The following NEIL2 variants were observed in gnomAD, a reference collection of about 807,000 sequenced individuals.
NEIL2 encodes the protein nei like DNA glycosylase 2, also known as endonuclease 8-like 2.
In NEIL2, 23 loss-of-function variants were observed where a neutral mutation model predicts 22.2. That is an observed-to-expected ratio of 1.04 (90% confidence interval 0.75 to 1.47). NEIL2 has a LOEUF of 1.47. Ranked by LOEUF, NEIL2 falls within the 40% of genes most tolerant of loss-of-function variation. The probability of loss-of-function intolerance (pLI) is 0.00; values close to 1 mark genes in which losing one functional copy is unlikely to be tolerated. For synonymous variants in NEIL2, 229 were observed against 164.8 expected (o/e 1.39, Z -2.99); for missense variants, 583 against 404.7 (o/e 1.44, Z -3.78).
chr8:11,780,071 G>C, intron 3 of NEIL2, 121 bp downstream of exon 3: 1 of 809,706 alleles, frequency 1.2e-6, no homozygotes, highest in East Asian at 2.5e-5. Flanking sequence ...CCAGGGCCCT[G>C]CTGTCTTGGG....
chr8:11,771,309 C>A, intron 1 of NEIL2, 137 bp from the exon 2 acceptor site: 1 of 1,050,724 alleles, frequency 9.5e-7, no homozygotes, highest in Non-Finnish European at 1.4e-6. Context: ...CCCAGCCACA[C>A]TCCCTTTTTG....
chr8:11,787,078 C>A lies in NEIL2; in HGVS notation c.*805C>A, dbSNP rs1436573238. ...GGATGAGGATAGAGTGGCCTGAGAGCAGTGCTTGGATTCAGCCTCCTGCTG... is the reference window on the plus strand; with the variant it reads ...GGATGAGGATAGAGTGGCCTGAGAGAAGTGCTTGGATTCAGCCTCCTGCTG... On this transcript the variant is annotated 3_prime_UTR_variant, in exon 5 of 5. Coordinates refer to ENST00000284503, the MANE Select transcript of NEIL2 (RefSeq NM_145043.4). 2 of 152,404 alleles carry A rather than the reference C, an allele frequency of 1.3e-5. No individual in the cohort carries two copies. The highest frequency in any genetic ancestry group is 2.4e-5 in the African/African-American group (1 of 41,302). The allele number at this position is 152,404 out of a possible 1,614,324, so 9.4% of individuals were successfully genotyped here.
rs1408529184 is a variant in NEIL2, at chr8:11,769,893, C to T, written c.-445C>T. The stretch of plus-strand genomic sequence containing the variant: ...GCCCCGGGCCCTCCTCCGTCTCAGC[C>T]GCCTGCGGAGGTGCTGCCCACGCCT... On this transcript the variant is annotated 5_prime_UTR_variant, in exon 1 of 5. Transcript: ENST00000284503. The T allele has an allele frequency of 6.6e-6, 1 of 152,322 alleles. No homozygotes were observed. Among genetic ancestry groups the T allele is most frequent in the African/African-American group, 2.4e-5 (1 of 41,428 alleles). 9.4% of individuals were successfully genotyped at this position (152,322 alleles called of 1,614,324 possible).
At chr8:11,775,344 C>T (rs758142099) in intron 2 of NEIL2, among the ~76,000 whole-genome samples, 33 of 152,286 alleles carry the variant, frequency 2.2e-4, no homozygotes, top group Middle Eastern at 3.4e-3. Context: ...TGTACATTGG[C>T]GCTTTTTAGC....
chr8:11,779,443 G>A lies in NEIL2; in HGVS notation c.139-155G>A, dbSNP rs1246225840. ...CACATGCGAACTGCTCACACCACTG[G>A]AGCAAAAGAGCAAAAGGCAGAGTCC... On this transcript the variant is annotated intron_variant, in intron 2 of 4. Transcript: ENST00000284503. Among the ~76,000 whole-genome samples, 4 of 152,178 alleles carry A rather than the reference G, an allele frequency of 2.6e-5. No individual in the cohort carries two copies. The East Asian group carries it at 5.8e-4, about 22-fold the overall frequency.
rs778223630 is a variant in NEIL2, at chr8:11,779,768, G to A, written c.309G>A (p.Arg103=). The change falls in exon 3 of 5, where the codon CGG becomes CGA. Residue 103 remains arginine, a synonymous_variant. Coordinates refer to ENST00000284503, the MANE Select transcript of NEIL2 (RefSeq NM_145043.4). ...SGQKTLDGSS[R]SAELVPQGED... is the part of the protein sequence containing the mutation. ...AGAAGACCCTTGATGGATCCTCACG[G>A]TCTGCAGAGCTCGTCCCCCAGGGCG... The A allele has an allele frequency of 2.5e-6, 4 of 1,614,216 alleles. No individual in the cohort carries two copies. In the South Asian group the frequency reaches 3.3e-5, roughly 13 times the overall value.
Position 11,771,570 on chromosome 8 carries a change from G to C in NEIL2, c.123G>C (p.Trp41Cys). The change falls in exon 2 of 5, where the codon TGG becomes TGC. Residue 41 changes from tryptophan (W) to cysteine (C), a missense_variant. Trp to Cys is a radical substitution (Grantham distance 215). Coordinates refer to ENST00000284503, the MANE Select transcript of NEIL2 (RefSeq NM_145043.4). ...AGCCCGCCAGCCTGCAGTCTCTGTG[G>C]CTCCAGGACACCCAGGTGAGGTAAT... ...KLQPASLQSL[W>C]LQDTQVHGKK... 1 of 1,613,990 alleles carries C rather than the reference G, an allele frequency of 6.2e-7. No individual in the cohort carries two copies. Among genetic ancestry groups the C allele is most frequent in the Non-Finnish European group, 8.5e-7 (1 of 1,179,956 alleles).
At chr8:11,783,031 T>G in intron 3 of NEIL2, 172 bp from the exon 4 acceptor site, 3 of 691,540 alleles carry the variant, frequency 4.3e-6, no homozygotes, top group South Asian at 1.6e-5. Context: ...CTGACTATAC[T>G]GTGGTAACGA....
In NEIL2 at chr8:11,781,473, T is replaced by C. The variant is rs550507428; in HGVS notation, c.491+1523T>C. Among the ~76,000 whole-genome samples, 31 of 152,266 alleles carry C rather than the reference T, an allele frequency of 2.0e-4. No homozygotes were observed. In the East Asian group the frequency reaches 5.6e-3, roughly 28 times the overall value. ...TTTTTAGAAGTTCAGATGAGGAAACTTTCCTTAGAACCCCCAGCAAACCTG... is the reference window on the plus strand; with the variant it reads ...TTTTTAGAAGTTCAGATGAGGAAACCTTCCTTAGAACCCCCAGCAAACCTG... On this transcript the variant is annotated intron_variant, in intron 3 of 4. Transcript: ENST00000284503.
intron 2 of NEIL2, among the ~76,000 whole-genome samples, chr8:11,776,790 C>T (rs2130474512): frequency 6.6e-6 from 1 of 152,318 alleles, no homozygotes; most frequent in South Asian, 2.1e-4. Context: ...CCCTCTGCTG[C>T]AGCAGGGGTC....
At chr8:11,773,339 C>T (rs923338671) in intron 2 of NEIL2, among the ~76,000 whole-genome samples, 4 of 152,114 alleles carry the variant, frequency 2.6e-5, no homozygotes, top group Admixed American at 1.3e-4. Flanking sequence ...CCTAAGGTTG[C>T]AGGGAACCTT....
intron 2 of NEIL2, among the ~76,000 whole-genome samples, chr8:11,779,349 G>T (rs1171437664): frequency 2.0e-5 from 3 of 152,312 alleles, no homozygotes; most frequent in African/African-American, 7.2e-5. Context: ...TTCCAGGGTG[G>T]CCTTGCCATC....
At chr8:11,770,866 T>A (rs2686211) in intron 1 of NEIL2, among the ~76,000 whole-genome samples, 108,164 of 152,054 alleles carry the variant, frequency 0.71, 38,823 homozygotes, top group East Asian at 0.97. Context: ...TCTGTAGCTA[T>A]GCCGGGCTTA....
rs144176325 is a variant in NEIL2, at chr8:11,779,827, C to A, written c.368C>A (p.Pro123His). The A allele has an allele frequency of 7.4e-6, 12 of 1,614,084 alleles. No homozygotes were observed. In the Admixed American group the frequency reaches 2.0e-4, roughly 27 times the overall value. ...DDSEYLERDAPAGDAGRWLRV... is the reference protein window; with the variant it reads ...DDSEYLERDAHAGDAGRWLRV... ...TCTGAGTATTTGGAGAGAGACGCCC[C>A]TGCAGGAGATGCTGGGAGGTGGCTG... is the stretch of plus-strand genomic sequence containing the variant. The change falls in exon 3 of 5, where the codon CCT (proline) becomes CAT (histidine). Residue 123 changes from proline to histidine, a missense_variant. Physicochemically the swap from Pro to His is moderately conservative, Grantham distance 77 (BLOSUM62 -2). Transcript: ENST00000284503.
chr8:11,771,995 G>C (rs914670646), intron 2 of NEIL2, among the ~76,000 whole-genome samples: 1 of 152,046 alleles, frequency 6.6e-6, no homozygotes, highest in Non-Finnish European at 1.5e-5. Context: ...ACTAGGTCAG[G>C]AGTTCAAGAC....
intron 3 of NEIL2, among the ~76,000 whole-genome samples, chr8:11,781,253 T>G (rs1046175626): frequency 4.6e-5 from 7 of 152,206 alleles, no homozygotes; most frequent in Admixed American, 4.6e-4. Context: ...CTGGAGATTT[T>G]GGGCTCACAT....
intron 2 of NEIL2, among the ~76,000 whole-genome samples, chr8:11,774,222 C>G (rs8191557): frequency 0.042 from 6,330 of 152,136 alleles, 324 homozygotes; most frequent in East Asian, 0.21. Flanking sequence ...TAAAGATGCA[C>G]AAATTAGCTG....
chr8:11,770,111 C>G lies in NEIL2; in HGVS notation c.-227C>G, dbSNP rs1803305643. Reference sequence around the variant, plus strand: ...TCGGTAGCCCCCGGGCAGGGAGGGCCGGAGGGTGGGCGCGGCATCTTCAGC... The same window carrying G: ...TCGGTAGCCCCCGGGCAGGGAGGGCGGGAGGGTGGGCGCGGCATCTTCAGC... On this transcript the variant is annotated 5_prime_UTR_variant, in exon 1 of 5. Transcript: ENST00000284503. The G allele has an allele frequency of 6.6e-6, 1 of 152,132 alleles. No individual in the cohort carries two copies. The highest frequency in any genetic ancestry group is 2.1e-4 in the South Asian group (1 of 4,826). 9.4% of individuals were successfully genotyped at this position (152,132 alleles called of 1,614,324 possible).
chr8:11,786,102 C>T lies in NEIL2; in HGVS notation c.828C>T (p.Phe276=). 6.2e-7 allele frequency: 1 copy of T among 1,614,158 alleles called. No homozygotes were observed. The highest frequency in any genetic ancestry group is 2.2e-5 in the East Asian group (1 of 44,890). ...GTACAGCCTGGCTGCAGGGCAAGTTCCAAGGCAGACCGCAGCACACACAGG... is the reference window on the plus strand; with the variant it reads ...GTACAGCCTGGCTGCAGGGCAAGTTTCAAGGCAGACCGCAGCACACACAGG... ...EFSTAWLQGK[F]QGRPQHTQVY... The change falls in exon 5 of 5, where the codon TTC becomes TTT. Residue 276 remains phenylalanine (F), a synonymous_variant. Coordinates refer to ENST00000284503, the MANE Select transcript of NEIL2 (RefSeq NM_145043.4).
Sources: allele counts gnomAD v4.1 joint callset (sites outside exome capture counted in the v4.1 genomes callset), GRCh38; gene constraint gnomAD v4.1.1; transcripts MANE v1.5; gene names NCBI Gene and HGNC (gene_info 2026-07-23, HGNC 2026-07-21).